SCRN1: variants seen among roughly 807,000 people sequenced by gnomAD.
SCRN1 encodes secernin-1.
Under a neutral mutation model 43.3 loss-of-function variants are expected in SCRN1, and 19 were observed. The ratio of observed to expected loss-of-function variants is 0.44; its 90% CI spans 0.31 to 0.64. The LOEUF is 0.64. Among genes scored for constraint, SCRN1 ranks in the 30% least tolerant of loss-of-function variants. The probability of loss-of-function intolerance (pLI) is 0.09; values close to 1 mark genes in which losing one functional copy is unlikely to be tolerated. For missense variants in SCRN1, 447 were observed against 524.1 expected, an observed-to-expected ratio of 0.85 and a Z score of 1.44; for synonymous variants, 183 against 188.9, an observed-to-expected ratio of 0.97 and a Z score of 0.26.
chr7:29,948,265 G>A (rs1787800869), intron 3 of SCRN1, among the ~76,000 whole-genome samples: 1 of 152,146 alleles, frequency 6.6e-6, no homozygotes, highest in African/African-American at 2.4e-5. Context: ...TGGGGCCTTG[G>A]GCAACTCCTT....
chr7:29,952,638 C>T (rs758131831), intron 3 of SCRN1, among the ~76,000 whole-genome samples: 12 of 150,456 alleles, frequency 8.0e-5, no homozygotes, highest in Non-Finnish European at 1.2e-4. Context: ...TGCAATCAGC[C>T]GAGATCATAC....
At chr7:29,948,231 C>T (rs1346994367) in intron 3 of SCRN1, among the ~76,000 whole-genome samples, 1 of 152,198 alleles carries the variant, frequency 6.6e-6, no homozygotes, top group Non-Finnish European at 1.5e-5. Context: ...CCCTGGGATC[C>T]CTGGCTTAGC....
chr7:29,934,102 C>T (rs1321436459), intron 6 of SCRN1, among the ~76,000 whole-genome samples: 1 of 152,192 alleles, frequency 6.6e-6, no homozygotes, highest in Non-Finnish European at 1.5e-5. Context: ...GAAAGTTCTA[C>T]AGTCATGGTA....
intron 7 of SCRN1, among the ~76,000 whole-genome samples, chr7:29,926,006 G>A (rs555352274): frequency 6.6e-6 from 1 of 152,230 alleles, no homozygotes; most frequent in East Asian, 1.9e-4. Flanking sequence ...ACAATGTTGT[G>A]CAACCAGCAC....
Position 29,923,416 on chromosome 7 carries a change from C to T in SCRN1, c.*541G>A, listed in dbSNP as rs2128084863. On this transcript the variant is annotated 3_prime_UTR_variant, in exon 8 of 8. Transcript: ENST00000242059. ...CTTTCTTCCTTCCAATTGGTTCTGC[C>T]CCCCAGAAGACACCTGTAGAGACAC... 6.6e-6 allele frequency: 1 copy of T among 152,420 alleles called. No individual in the cohort carries two copies. The highest frequency in any genetic ancestry group is 2.1e-4 in the South Asian group (1 of 4,824). The allele number at this position is 152,420 out of a possible 1,614,324, so 9.4% of individuals were successfully genotyped here. A position where few individuals can be genotyped will look rare whatever the true frequency, so the allele number is the denominator to read the frequency against.
intron 1 of SCRN1, among the ~76,000 whole-genome samples, chr7:29,986,727 T>A (rs1315049873): frequency 7.2e-6 from 1 of 139,732 alleles, no homozygotes; most frequent in African/African-American, 2.7e-5. Flanking sequence ...ATTTTTTTTT[T>A]TTTTTTTTTT....
At chr7:29,924,534 T>C (rs1786877159) in intron 7 of SCRN1, among the ~76,000 whole-genome samples, 1 of 152,156 alleles carries the variant, frequency 6.6e-6, no homozygotes, top group South Asian at 2.1e-4. Flanking sequence ...CGTGCACCCA[T>C]CTTCAGCTTC....
chr7:29,936,226 C>G (rs932334306), intron 6 of SCRN1, among the ~76,000 whole-genome samples: 1 of 152,224 alleles, frequency 6.6e-6, no homozygotes, highest in African/African-American at 2.4e-5. Flanking sequence ...ATGTACCACA[C>G]AATGCTTGGC....
intron 6 of SCRN1, among the ~76,000 whole-genome samples, chr7:29,932,120 G>A (rs112978432): frequency 0.038 from 5,647 of 148,978 alleles, 150 homozygotes; most frequent in African/African-American, 0.08. Flanking sequence ...CGGCTCTGGG[G>A]GGTTTTGAAA....
In SCRN1 at chr7:29,923,835, C is replaced by T. The variant is rs955151583; in HGVS notation, c.*122G>A. The T allele has an allele frequency of 6.4e-6, 7 of 1,085,340 alleles. No individual in the cohort carries two copies. The Admixed American group carries it at 9.2e-5, about 14-fold the overall frequency. 67.2% of individuals were successfully genotyped at this position (1,085,340 alleles called of 1,614,324 possible). A position where few individuals can be genotyped will look rare whatever the true frequency, so the allele number is the denominator to read the frequency against. On this transcript the variant is annotated 3_prime_UTR_variant, in exon 8 of 8. Coordinates refer to ENST00000242059, the MANE Select transcript of SCRN1 (RefSeq NM_014766.5). ...AACACAAGGTAACAGTTTGATCTGG[C>T]TTCAGAAAAGGAGGCCACATATTAA...
intron 3 of SCRN1, among the ~76,000 whole-genome samples, chr7:29,949,165 A>C (rs1391772945): frequency 1.3e-5 from 2 of 151,698 alleles, no homozygotes; most frequent in Admixed American, 1.3e-4. Context: ...AATACAAAAA[A>C]TTAGCCGGGC....
chr7:29,944,176 A>G lies in SCRN1; in HGVS notation c.345T>C (p.Leu115=). 1 of 1,614,170 alleles carries G rather than the reference A, an allele frequency of 6.2e-7. No homozygotes were observed. Among genetic ancestry groups the G allele is most frequent in the Non-Finnish European group, 8.5e-7 (1 of 1,179,992 alleles). Residue 115 remains leucine, a synonymous_variant, in exon 4 of 8, where the codon CTT becomes CTC. Transcript: ENST00000242059. ...TAGCTGTTTCCCCTCTTTCTAAACC[A>G]AGCCTGCAGGAAGGAAACCAGAACC... ...EALLGMDLVR[L]GLERGETAKE...
intron 3 of SCRN1, among the ~76,000 whole-genome samples, chr7:29,947,697 G>T (rs773026567): frequency 2.3e-4 from 35 of 152,218 alleles, no homozygotes; most frequent in Non-Finnish European, 4.0e-4. Context: ...TGAAGTGATT[G>T]CTTGTCCCCC....
rs77896376 is a variant in SCRN1 at position 29,983,997 on chromosome 7, C to T, written c.-2+5645G>A. Among the ~76,000 whole-genome samples the T allele has an allele frequency of 7.9e-3, 1,205 of 152,084 alleles. 62 individuals are homozygous for T. In the East Asian group the frequency reaches 0.13, roughly 17 times the overall value. ...GAGGTGGTTGGATCCCTTGAGGCCA[C>T]GAGTTCAAAAGTAGCCTGGCCAGCA... is the stretch of plus-strand genomic sequence containing the variant. On this transcript the variant is annotated intron_variant, in intron 1 of 7. Transcript: ENST00000242059.
intron 6 of SCRN1, among the ~76,000 whole-genome samples, chr7:29,935,188 A>T (rs892094876): frequency 6.6e-6 from 1 of 152,214 alleles, no homozygotes; most frequent in Non-Finnish European, 1.5e-5. Context: ...ATGAAAAACT[A>T]AGAACAGCTA....
At chr7:29,925,644 T>C (rs1401006836) in intron 7 of SCRN1, among the ~76,000 whole-genome samples, 5 of 152,196 alleles carry the variant, frequency 3.3e-5, no homozygotes, top group African/African-American at 7.2e-5. Flanking sequence ...TGATGACTTA[T>C]CACTTTATTA....
At chr7:29,974,859 T>G (rs1788765657) in intron 1 of SCRN1, among the ~76,000 whole-genome samples, 1 of 151,978 alleles carries the variant, frequency 6.6e-6, no homozygotes, top group South Asian at 2.1e-4. Context: ...AATTTTTGTA[T>G]TTTTAGTAGA....
chr7:29,941,946 T>C (rs1436808287), intron 4 of SCRN1, among the ~76,000 whole-genome samples: 1 of 152,248 alleles, frequency 6.6e-6, no homozygotes, highest in East Asian at 1.9e-4. Flanking sequence ...AAAGCCATCA[T>C]TGCCTGAAAA....
intron 3 of SCRN1, among the ~76,000 whole-genome samples, chr7:29,954,464 G>A (rs1056056837): frequency 2.6e-5 from 4 of 151,936 alleles, no homozygotes; most frequent in East Asian, 1.9e-4. Context: ...TTCAACACCC[G>A]CAAAAGAAAG....
Sources: allele counts gnomAD v4.1 joint callset (sites outside exome capture counted in the v4.1 genomes callset), GRCh38; gene constraint gnomAD v4.1.1; transcripts MANE v1.5; gene names NCBI Gene and HGNC (gene_info 2026-07-23, HGNC 2026-07-21).